COL4A1: variants seen among roughly 807,000 people sequenced by gnomAD.
The protein encoded by COL4A1 is collagen type IV alpha 1 chain.
In COL4A1, 40 loss-of-function variants were observed where a neutral mutation model predicts 216.6. The ratio of observed to expected loss-of-function variants is 0.18; its 90% CI spans 0.14 to 0.24. The LOEUF (loss-of-function observed/expected upper bound fraction) is 0.24, where lower values mean the gene tolerates loss of function less well. Among genes scored for constraint, COL4A1 ranks in the 10% least tolerant of loss-of-function variants. COL4A1 has a pLI of 1.00. For missense variants in COL4A1, 1,628 were observed against 2,196.8 expected, an observed-to-expected ratio of 0.74 and a Z score of 5.18; for synonymous variants, 839 against 810.7, an observed-to-expected ratio of 1.03 and a Z score of -0.59.
In COL4A1 at chr13:110,164,949, T is replaced by G. The variant is rs749185558; in HGVS notation, c.4063A>C (p.Ile1355Leu). The change falls in exon 46 of 52, where the codon ATC becomes CTC. Residue 1355 changes from isoleucine (I) to leucine (L), a missense_variant. By Grantham distance (5) the Ile-to-Leu change is conservative. Transcript: ENST00000375820. ...CCAGGGAGCCCGGGCTCCCCTTTGA[T>G]GATGTCGTAAGGACCTGGGGGGCCA... is the stretch of plus-strand genomic sequence containing the variant. The part of the protein sequence containing the change: ...PPGPPGPYDI[I>L]KGEPGLPGPE... 6 of 1,605,006 alleles carry G rather than the reference T, an allele frequency of 3.7e-6. No individual in the cohort carries two copies. In the South Asian group the frequency reaches 6.7e-5, roughly 18 times the overall value.
chr13:110,161,093 G>T, intron 49 of COL4A1, 99 bp downstream of exon 49: 2 of 1,228,786 alleles, frequency 1.6e-6, no homozygotes, highest in Non-Finnish European at 1.2e-6. Context: ...AATGGCAATG[G>T]ATTCAACGTT....
At chr13:110,164,824 G>GC (rs1594538770) in intron 46 of COL4A1, 38 bp downstream of exon 46, 1 of 1,607,680 alleles carries the variant, frequency 6.2e-7, no homozygotes, top group Non-Finnish European at 8.5e-7. Context: ...GCCCCTCTGG[G>GC]CTCCCCATAC....
chr13:110,303,062 G>C (rs539070956), intron 1 of COL4A1, among the ~76,000 whole-genome samples: 1 of 152,124 alleles, frequency 6.6e-6, no homozygotes, highest in Non-Finnish European at 1.5e-5. Context: ...TCACTGGTGG[G>C]TTCCATTTGT....
chr13:110,163,161 A>C (rs950076403), intron 47 of COL4A1, among the ~76,000 whole-genome samples: 5 of 152,244 alleles, frequency 3.3e-5, no homozygotes, highest in African/African-American at 7.2e-5. Flanking sequence ...CTTTGCTGAA[A>C]TAGAATTTTC....
intron 50 of COL4A1, among the ~76,000 whole-genome samples, chr13:110,154,330 T>C (rs559096633): frequency 6.6e-6 from 1 of 152,370 alleles, no homozygotes; most frequent in Non-Finnish European, 1.5e-5. Context: ...GGGGCCTTGT[T>C]TTCTGTTTCA....
Position 110,215,574 on chromosome 13 carries a change from A to AAAC in COL4A1, c.145-1562_145-1560dup, listed in dbSNP as rs1555307435. ...AGACTCTGTCTCAAAAAAAAAAAAA[A>AAAC]AACAACAACCCATAACCATTGTAAG... On this transcript the variant is annotated intron_variant, in intron 2 of 51. Transcript: ENST00000375820. 4.3e-3 allele frequency among the ~76,000 whole-genome samples: 542 copies of AAAC among 125,298 alleles called. 3 individuals carry two copies. Among genetic ancestry groups the AAAC allele is most frequent in the African/African-American group, 0.016 (500 of 31,456 alleles). The allele number at this position is 125,298 out of a possible 152,430, so 82.2% of individuals were successfully genotyped here. A position where few individuals can be genotyped will look rare whatever the true frequency, so the allele number is the denominator to read the frequency against.
intron 24 of COL4A1, among the ~76,000 whole-genome samples, chr13:110,190,032 T>C (rs1303782709): frequency 1.3e-5 from 2 of 152,264 alleles, no homozygotes; most frequent in East Asian, 1.9e-4. Context: ...CATTATATTA[T>C]TTTATGGTGA....
intron 4 of COL4A1, 99 bp from the exon 5 acceptor site, chr13:110,212,717 G>A: frequency 1.4e-6 from 2 of 1,420,930 alleles, no homozygotes; most frequent in Non-Finnish European, 9.9e-7. Flanking sequence ...CCTCATTTTT[G>A]GTGTCAGAAC....
Position 110,150,095 on chromosome 13 carries a change from G to A in COL4A1, c.*268C>T. ...TGGAGTTCTCACTTCACACATCAGTGCATTGGATTGCAGAAAATATTGATA... is the reference window on the plus strand; with the variant it reads ...TGGAGTTCTCACTTCACACATCAGTACATTGGATTGCAGAAAATATTGATA... On this transcript the variant is annotated 3_prime_UTR_variant, in exon 52 of 52. Coordinates refer to ENST00000375820, the MANE Select transcript of COL4A1 (RefSeq NM_001845.6). The A allele has an allele frequency of 2.1e-6, 1 of 484,498 alleles. No individual in the cohort carries two copies. Among genetic ancestry groups the A allele is most frequent in the Non-Finnish European group, 3.8e-6 (1 of 262,672 alleles). 30.0% of individuals were successfully genotyped at this position (484,498 alleles called of 1,614,324 possible). A position where few individuals can be genotyped will look rare whatever the true frequency, so the allele number is the denominator to read the frequency against.
chr13:110,259,535 A>G (rs1186161887), intron 1 of COL4A1, among the ~76,000 whole-genome samples: 1 of 152,234 alleles, frequency 6.6e-6, no homozygotes, highest in Non-Finnish European at 1.5e-5. Context: ...TCTGCTGACT[A>G]GACAGGAAAC....
Position 110,212,402 on chromosome 13 carries a change from C to G in COL4A1, c.387+15G>C. The G allele has an allele frequency of 3.1e-6, 5 of 1,613,004 alleles. No individual in the cohort carries two copies. Among genetic ancestry groups the G allele is most frequent in the Non-Finnish European group, 3.4e-6 (4 of 1,179,926 alleles). On this transcript the variant is annotated intron_variant, in intron 6 of 51. Coordinates refer to ENST00000375820, the MANE Select transcript of COL4A1 (RefSeq NM_001845.6). Reference sequence around the variant, plus strand: ...TAAACACACACAAAAAGGAGGGTCTCGGTTCTGGATTTACCTTTGTGCCAT... The same window carrying G: ...TAAACACACACAAAAAGGAGGGTCTGGGTTCTGGATTTACCTTTGTGCCAT...
chr13:110,192,871 T>C lies in COL4A1; in HGVS notation c.1424A>G (p.Tyr475Cys). Residue 475 changes from tyrosine to cysteine, a missense_variant, in exon 23 of 52, where the codon TAT becomes TGT. Physicochemically the swap from Tyr to Cys is radical, Grantham distance 194 (BLOSUM62 -2). This residue lies in a region of COL4A1 where 701 missense variants were observed against 892.5 expected (regional missense o/e 0.79). Coordinates refer to ENST00000375820, the MANE Select transcript of COL4A1 (RefSeq NM_001845.6). ...ESCLICDIDGYRGPPGPQGPP... is the reference protein window; with the variant it reads ...ESCLICDIDGCRGPPGPQGPP... ...TCCCTGTGGCCCGGGAGGCCCCCGATATCCGTCTATATCACAGATGAGGCA... is the reference window on the plus strand; with the variant it reads ...TCCCTGTGGCCCGGGAGGCCCCCGACATCCGTCTATATCACAGATGAGGCA... 1 of 1,614,142 alleles carries C rather than the reference T, an allele frequency of 6.2e-7. No homozygotes were observed. Among genetic ancestry groups the C allele is most frequent in the Non-Finnish European group, 8.5e-7 (1 of 1,180,006 alleles).
At position 110,198,424 on chromosome 13, in the gene COL4A1, G is replaced by A. The variant is rs143781394; in HGVS notation, c.1285+43C>T. 2,560 of 1,611,518 alleles carry A rather than the reference G, an allele frequency of 1.6e-3. 32 individuals carry two copies. The African/African-American group carries it at 0.03, about 19-fold the overall frequency. ...ACCTGGGTCTGCCCGGCACCCTGGTGTCTGCTTGCACCCCACATTAAACCA... is the reference window on the plus strand; with the variant it reads ...ACCTGGGTCTGCCCGGCACCCTGGTATCTGCTTGCACCCCACATTAAACCA... On this transcript the variant is annotated intron_variant, in intron 21 of 51. Transcript: ENST00000375820.
At chr13:110,194,977 T>C in intron 22 of COL4A1, 46 bp downstream of exon 22, 1 of 1,553,776 alleles carries the variant, frequency 6.4e-7, no homozygotes, top group Non-Finnish European at 8.9e-7. Flanking sequence ...GAAAAAATCA[T>C]ACGCAAAGAC....
At chr13:110,227,931 C>G (rs1284213511) in intron 2 of COL4A1, among the ~76,000 whole-genome samples, 1 of 152,210 alleles carries the variant, frequency 6.6e-6, no homozygotes, top group Non-Finnish European at 1.5e-5. Flanking sequence ...GATCCCAGAG[C>G]CCTTCCTGGT....
chr13:110,247,704 G>A (rs532932639), intron 1 of COL4A1, among the ~76,000 whole-genome samples: 72 of 151,772 alleles, frequency 4.7e-4, no homozygotes, highest in African/African-American at 1.7e-3. Context: ...TTCCATTCCA[G>A]AGGATGCAAA....
chr13:110,196,626 A>C (rs1268463568), intron 21 of COL4A1, among the ~76,000 whole-genome samples: 1 of 152,182 alleles, frequency 6.6e-6, no homozygotes, highest in Non-Finnish European at 1.5e-5. Flanking sequence ...AAAATAGTAC[A>C]TCCTCACCAA....
Position 110,195,092 on chromosome 13 carries a change from G to C in COL4A1, c.1312C>G (p.Pro438Ala). The change falls in exon 22 of 52, where the codon CCT becomes GCT. Residue 438 changes from proline (P) to alanine (A), a missense_variant. Pro to Ala is a conservative substitution (Grantham distance 27, BLOSUM62 -1). Transcript: ENST00000375820. ...CCAGGAGGACCCTGGTCACCTGGAGGTCCGGGCTGACATTCCACAATTCCA... is the reference window on the plus strand; with the variant it reads ...CCAGGAGGACCCTGGTCACCTGGAGCTCCGGGCTGACATTCCACAATTCCA... ...TNGIVECQPG[P>A]PGDQGPPGIP... 6.2e-7 allele frequency: 1 copy of C among 1,614,146 alleles called. No homozygotes were observed. The highest frequency in any genetic ancestry group is 1.3e-5 in the African/African-American group (1 of 75,020).
chr13:110,252,659 ATG>A (rs1594091271), intron 1 of COL4A1, among the ~76,000 whole-genome samples: 1 of 143,352 alleles, frequency 7.0e-6, no homozygotes, highest in East Asian at 2.0e-4. Flanking sequence ...AAATGTATAT[ATG>A]TATATATACA....
Sources: gnomAD v4.1 joint callset for allele counts (sites outside exome capture counted in the v4.1 genomes callset) on GRCh38, gnomAD v4.1.1 for gene constraint, gnomAD v4.1.1 regional missense constraint, MANE v1.5 for transcripts, NCBI Gene and HGNC (gene_info 2026-07-23, HGNC 2026-07-21) for gene names.